Variants in DLGAP5 observed in about 807,000 individuals in gnomAD.
The protein encoded by DLGAP5 is DLG associated protein 5, also known as disks large-associated protein 5.
Under a neutral mutation model 99.6 loss-of-function variants are expected in DLGAP5, and 90 were observed. That is an observed-to-expected ratio of 0.90 (90% CI 0.76 to 1.08). The LOEUF is 1.08. Ranked by LOEUF, DLGAP5 falls within the 50% of genes least tolerant of loss-of-function variation. The pLI is 0.00. For synonymous variants in DLGAP5, 311 were observed against 321.3 expected (o/e 0.97, Z 0.34); for missense variants, 1,036 against 983.5 (o/e 1.05, Z -0.71).
At chr14:55,179,030 G>A (rs1287819896) in intron 7 of DLGAP5, among the ~76,000 whole-genome samples, 1 of 152,152 alleles carries the variant, frequency 6.6e-6, no homozygotes, top group Non-Finnish European at 1.5e-5. Context: ...CTGGGCGACA[G>A]AGTGAGACTC....
At position 55,153,911 on chromosome 14, in the gene DLGAP5, C is replaced by T. The variant is rs567029475; in HGVS notation, c.2063+706G>A. Among the ~76,000 whole-genome samples the T allele has an allele frequency of 4.6e-5, 7 of 152,180 alleles. No homozygotes were observed. In the East Asian group the frequency reaches 1.2e-3, roughly 25 times the overall value. The stretch of plus-strand genomic sequence containing the variant: ...TCTCTACTAAAAATACAAAAATTAG[C>T]TGGGCGTGGTGGCGCGTGTCTGTAG... On this transcript the variant is annotated intron_variant, in intron 15 of 18. Transcript: ENST00000247191.
At chr14:55,152,484 T>A (rs916314136) in intron 16 of DLGAP5, 106 bp downstream of exon 16, 10 of 812,522 alleles carry the variant, frequency 1.2e-5, no homozygotes, top group Admixed American at 3.3e-5. Context: ...CATGACTGAT[T>A]TAGATTTCCA....
chr14:55,182,861 T>C (rs1594683454), intron 3 of DLGAP5, among the ~76,000 whole-genome samples: 2 of 152,174 alleles, frequency 1.3e-5, no homozygotes, highest in Non-Finnish European at 2.9e-5. Flanking sequence ...ATATTCCCAA[T>C]ATTATATCCT....
chr14:55,166,959 A>C lies in DLGAP5; in HGVS notation c.1548+2440T>G, dbSNP rs115971655. Among the ~76,000 whole-genome samples, 1,312 of 151,702 alleles carry C rather than the reference A, an allele frequency of 8.6e-3. 20 individuals carry two copies. Among genetic ancestry groups the C allele is most frequent in the African/African-American group, 0.029 (1,207 of 41,348 alleles). The stretch of plus-strand genomic sequence containing the variant: ...CAAAGCTGGGAAATGAGCATCAGTC[A>C]AGATAATGACTATAGGCCAGGCACA... On this transcript the variant is annotated intron_variant, in intron 12 of 18. Coordinates refer to ENST00000247191, the MANE Select transcript of DLGAP5 (RefSeq NM_014750.5).
intron 12 of DLGAP5, among the ~76,000 whole-genome samples, chr14:55,164,880 C>T (rs552182248): frequency 6.7e-6 from 1 of 148,290 alleles, no homozygotes; most frequent in African/African-American, 2.5e-5. Flanking sequence ...CGAGATCATG[C>T]CACTGCACTC....
intron 6 of DLGAP5, 117 bp from the exon 7 acceptor site, chr14:55,179,816 A>G (rs1476850775): frequency 1.3e-6 from 1 of 744,738 alleles, no homozygotes; most frequent in Non-Finnish European, 2.1e-6. Context: ...GGATTTTTTT[A>G]TTAAAAGCCA....
chr14:55,177,316 A>G lies in DLGAP5; in HGVS notation c.795T>C (p.Asp265=). The part of the protein sequence containing the change: ...KPDKGISCKV[D]SEENTLNSQT... ...GTGAATTCAAAGTATTTTCTTCACT[A>G]TCGACTTTACAAGAAATACCCTAGG... is the stretch of plus-strand genomic sequence containing the variant. Residue 265 remains aspartate (D), a synonymous_variant, in exon 8 of 19, where the codon GAT becomes GAC. Coordinates refer to ENST00000247191, the MANE Select transcript of DLGAP5 (RefSeq NM_014750.5). 6.2e-7 allele frequency: 1 copy of G among 1,603,032 alleles called. No homozygotes were observed. Among genetic ancestry groups the G allele is most frequent in the South Asian group, 1.1e-5 (1 of 88,666 alleles).
intron 7 of DLGAP5, among the ~76,000 whole-genome samples, chr14:55,178,667 CTG>C (rs1421406840): frequency 1.3e-5 from 2 of 152,210 alleles, no homozygotes; most frequent in African/African-American, 4.8e-5. Flanking sequence ...TGAAGATTCA[CTG>C]TGTGTTTCCT....
intron 1 of DLGAP5, chr14:55,190,946 C>A (rs1009078996): frequency 6.6e-6 from 1 of 152,054 alleles, no homozygotes; most frequent in Non-Finnish European, 1.5e-5. Context: ...TCAGAATAAC[C>A]CTGAAAGGTA....
At chr14:55,170,638 T>C in intron 11 of DLGAP5, 64 bp downstream of exon 11, 1 of 1,357,048 alleles carries the variant, frequency 7.4e-7, no homozygotes, top group South Asian at 1.2e-5. Context: ...TATTTTTATG[T>C]TTCAGATAAA....
intron 16 of DLGAP5, 97 bp downstream of exon 16, chr14:55,152,493 C>A: frequency 1.1e-6 from 1 of 913,428 alleles, no homozygotes; most frequent in Non-Finnish European, 1.6e-6. Context: ...TTTAGATTTC[C>A]AACGGAAATT....
At chr14:55,185,597 C>T (rs1415019733) in intron 2 of DLGAP5, among the ~76,000 whole-genome samples, 1 of 152,202 alleles carries the variant, frequency 6.6e-6, no homozygotes, top group Non-Finnish European at 1.5e-5. Context: ...AGCAATTCTG[C>T]CTCAGCCTCC....
At chr14:55,164,522 A>T (rs573403486) in intron 12 of DLGAP5, among the ~76,000 whole-genome samples, 1 of 152,316 alleles carries the variant, frequency 6.6e-6, no homozygotes, top group East Asian at 1.9e-4. Flanking sequence ...ACTTAACTGT[A>T]AGTACTAAAA....
intron 13 of DLGAP5, 55 bp downstream of exon 13, chr14:55,162,916 A>G (rs994917481): frequency 1.3e-5 from 11 of 879,622 alleles, no homozygotes; most frequent in Middle Eastern, 5.0e-4. Context: ...GGATGTATGT[A>G]TAACAGTTCC....
intron 12 of DLGAP5, among the ~76,000 whole-genome samples, chr14:55,165,339 T>A (rs1171675334): frequency 1.3e-5 from 2 of 152,002 alleles, no homozygotes; most frequent in African/African-American, 2.4e-5. Flanking sequence ...CTGGGTAACA[T>A]GATGACACCC....
intron 12 of DLGAP5, among the ~76,000 whole-genome samples, chr14:55,167,214 A>G (rs1401667766): frequency 6.8e-6 from 1 of 147,776 alleles, no homozygotes; most frequent in African/African-American, 2.6e-5. Flanking sequence ...AGATCACGCC[A>G]CCGCTCTCCA....
intron 2 of DLGAP5, among the ~76,000 whole-genome samples, chr14:55,187,342 G>A (rs1442481094): frequency 8.9e-6 from 1 of 112,064 alleles, no homozygotes; most frequent in Non-Finnish European, 1.7e-5. Flanking sequence ...TTTTTGAGAT[G>A]GAGTCTCGCT....
chr14:55,164,915 C>A (rs1882584603), intron 12 of DLGAP5, among the ~76,000 whole-genome samples: 1 of 106,440 alleles, frequency 9.4e-6, no homozygotes. Flanking sequence ...GAGTGAGACT[C>A]TGTCTCAAAA....
chr14:55,181,284 C>A lies in DLGAP5; in HGVS notation c.509G>T (p.Ser170Ile), dbSNP rs1325975506. The change falls in exon 5 of 19, where the codon AGT becomes ATT. Residue 170 changes from serine (S) to isoleucine (I), a missense_variant. By Grantham distance (142) the Ser-to-Ile change is moderately radical. Transcript: ENST00000247191. ...QMEQTKIDNE[S>I]DVRAIRPGPR... ...ACCAGGTCGGATTGCTCGAACATCA[C>A]TCTCGTTATCAATCTATTTAAGAGA... The A allele has an allele frequency of 6.2e-7, 1 of 1,614,010 alleles. No homozygotes were observed. Among genetic ancestry groups the A allele is most frequent in the East Asian group, 2.2e-5 (1 of 44,878 alleles).
Sources: allele counts gnomAD v4.1 joint callset (sites outside exome capture counted in the v4.1 genomes callset), GRCh38; gene constraint gnomAD v4.1.1; transcripts MANE v1.5; gene names NCBI Gene and HGNC (gene_info 2026-07-23, HGNC 2026-07-21).